The following KCNQ1 variants were observed in gnomAD, a reference collection of about 807,000 sequenced individuals.
The protein encoded by KCNQ1 is potassium voltage-gated channel subfamily Q member 1.
A neutral mutation model predicts 72.4 loss-of-function variants in KCNQ1; 49 were observed. The ratio of observed to expected loss-of-function variants is 0.68; its 90% CI spans 0.54 to 0.86. KCNQ1 has a LOEUF of 0.86. Ranked by LOEUF, KCNQ1 falls within the 40% of genes least tolerant of loss-of-function variation. KCNQ1 has a pLI of 0.00. For synonymous variants in KCNQ1, 450 were observed against 412.6 expected (o/e 1.09, Z -1.10); for missense variants, 790 against 945.1 (o/e 0.84, Z 2.15).
In KCNQ1 at chr11:2,674,614, C is replaced by T. The variant is rs929995876; in HGVS notation, c.1514+12533C>T. On this transcript the variant is annotated intron_variant, in intron 11 of 15. Coordinates refer to ENST00000155840, the MANE Select transcript of KCNQ1 (RefSeq NM_000218.3). The surrounding 1 kb of genome is among the most constrained non-coding windows in gnomAD (Gnocchi z 5.9). ...CTTTTAAATAGGCTCTGGCTTAAAA[C>T]AGTCACAGCGAAACATGCCTTTGAA... 2.5e-6 allele frequency: 1 copy of T among 398,618 alleles called. No homozygotes were observed. The highest frequency in any genetic ancestry group is 3.6e-5 in the East Asian group (1 of 28,056). The allele number at this position is 398,618 out of a possible 1,614,324, so 24.7% of individuals were successfully genotyped here. A position where few individuals can be genotyped will look rare whatever the true frequency, so the allele number is the denominator to read the frequency against.
intron 2 of KCNQ1, among the ~76,000 whole-genome samples, chr11:2,539,160 T>C (rs1847783012): frequency 6.6e-6 from 1 of 152,104 alleles, no homozygotes; most frequent in Non-Finnish European, 1.5e-5. Flanking sequence ...CTGTTCCCCA[T>C]TGCTCCTCCA....
chr11:2,540,993 A>G (rs1487115157), intron 2 of KCNQ1, among the ~76,000 whole-genome samples: 1 of 152,230 alleles, frequency 6.6e-6, no homozygotes, highest in Non-Finnish European at 1.5e-5. Context: ...GCACAGACAT[A>G]TGTGCACGGA....
intron 1 of KCNQ1, among the ~76,000 whole-genome samples, chr11:2,467,505 C>T (rs1388653143): frequency 6.6e-6 from 1 of 152,198 alleles, no homozygotes; most frequent in Admixed American, 6.5e-5. Flanking sequence ...GATACAGCCT[C>T]AGGAAGTGGT....
Position 2,784,793 on chromosome 11 carries a change from A to G in KCNQ1, c.1794+6756A>G, listed in dbSNP as rs559681255. Among the ~76,000 whole-genome samples the G allele has an allele frequency of 6.6e-6, 1 of 152,114 alleles. No homozygotes were observed. The highest frequency in any genetic ancestry group is 1.9e-4 in the East Asian group (1 of 5,192). On this transcript the variant is annotated intron_variant, in intron 15 of 15. Coordinates refer to ENST00000155840, the MANE Select transcript of KCNQ1 (RefSeq NM_000218.3). This position sits in a 1 kb window ranked among gnomAD's most constrained non-coding sequence, Gnocchi z 4.7. ...ATATTTTATTTGTCATGCTAGTGTT[A>G]ATGGAATTGTTTTCTTAATTTCATT...
chr11:2,532,779 C>G (rs1443058029), intron 2 of KCNQ1, among the ~76,000 whole-genome samples: 1 of 152,210 alleles, frequency 6.6e-6, no homozygotes, highest in African/African-American at 2.4e-5. Flanking sequence ...AGTCACCTGA[C>G]AGCAGGTTCC....
intron 11 of KCNQ1, chr11:2,693,635 A>G (rs1239138330): frequency 2.0e-5 from 8 of 398,540 alleles, no homozygotes; most frequent in African/African-American, 4.1e-5. Context: ...GCCGTAGGAA[A>G]GGCTCTGGGA....
intron 15 of KCNQ1, among the ~76,000 whole-genome samples, chr11:2,807,431 T>A (rs1451008395): frequency 6.6e-6 from 1 of 152,194 alleles, no homozygotes. Context: ...CCGCGGTCGC[T>A]GCACTGGGCC....
At chr11:2,560,687 G>A (rs1042209806) in intron 2 of KCNQ1, among the ~76,000 whole-genome samples, 8 of 152,106 alleles carry the variant, frequency 5.3e-5, no homozygotes, top group Non-Finnish European at 7.4e-5. Flanking sequence ...AGGTGCCTGG[G>A]AGGGAGACAC....
rs146890825 is a variant in KCNQ1 at position 2,504,330 on chromosome 11, G to A, written c.387-23598G>A. On this transcript the variant is annotated intron_variant, in intron 1 of 15. Coordinates refer to ENST00000155840, the MANE Select transcript of KCNQ1 (RefSeq NM_000218.3). The stretch of plus-strand genomic sequence containing the variant: ...AAGGATGGTTACCAGAGGCTGGGAA[G>A]GGTAGTGGGGGTTGTGAGGGAAGTA... Among the ~76,000 whole-genome samples the A allele has an allele frequency of 3.3e-5, 5 of 152,012 alleles. No homozygotes were observed. The East Asian group carries it at 7.7e-4, about 23-fold the overall frequency.
chr11:2,458,679 G>GGATGGATC lies in KCNQ1; in HGVS notation c.386+13199_386+13206dup, dbSNP rs1049740895. On this transcript the variant is annotated intron_variant, in intron 1 of 15. Transcript: ENST00000155840. The surrounding 1 kb of genome is among the most constrained non-coding windows in gnomAD (Gnocchi z 4.6). Reference sequence around the variant, plus strand: ...TGGATGGATGGATGGATGGATGGATGGATGGATCGATCGATCTCACCAAGC... The same window carrying GGATGGATC: ...TGGATGGATGGATGGATGGATGGATGGATGGATCGATGGATCGATCGATCTCACCAAGC... Among the ~76,000 whole-genome samples, 2 of 116,158 alleles carry GGATGGATC rather than the reference G, an allele frequency of 1.7e-5. No homozygotes were observed. Among genetic ancestry groups the GGATGGATC allele is most frequent in the Non-Finnish European group, 3.4e-5 (2 of 59,148 alleles). The allele number at this position is 116,158 out of a possible 152,430, so 76.2% of individuals were successfully genotyped here.
In KCNQ1 at chr11:2,642,968, G is replaced by C; in HGVS notation, c.1394-18993G>C. The C allele has an allele frequency of 2.5e-6, 1 of 397,716 alleles. No individual in the cohort carries two copies. The highest frequency in any genetic ancestry group is 4.4e-6 in the Non-Finnish European group (1 of 225,630). 24.6% of individuals were successfully genotyped at this position (397,716 alleles called of 1,614,324 possible). A position where few individuals can be genotyped will look rare whatever the true frequency, so the allele number is the denominator to read the frequency against. ...AATTTCCATTTATTTATACAGTTTT[G>C]AATGCTCCTCTTATTTATTTATAGT... On this transcript the variant is annotated intron_variant, in intron 10 of 15. Transcript: ENST00000155840. The surrounding 1 kb of genome is among the most constrained non-coding windows in gnomAD (Gnocchi z 4.3).
In KCNQ1 at chr11:2,458,673, ATG is replaced by A. The variant is rs1846230728; in HGVS notation, c.386+13190_386+13191del. ...GATGGATGGATGGATGGATGGATGG[ATG>A]GATGGATGGATCGATCGATCTCACC... is the stretch of plus-strand genomic sequence containing the variant. On this transcript the variant is annotated intron_variant, in intron 1 of 15. Coordinates refer to ENST00000155840, the MANE Select transcript of KCNQ1 (RefSeq NM_000218.3). The surrounding 1 kb of genome is among the most constrained non-coding windows in gnomAD (Gnocchi z 4.6). 6.6e-6 allele frequency among the ~76,000 whole-genome samples: 1 copy of A among 151,378 alleles called. No individual in the cohort carries two copies. Among genetic ancestry groups the A allele is most frequent in the African/African-American group, 2.4e-5 (1 of 41,036 alleles).
Position 2,769,202 on chromosome 11 carries a change from A to C in KCNQ1, c.1590+283A>C, listed in dbSNP as rs1846549521. ...AAGGCAGCAGCCGTGTAGCTCACTC[A>C]GTCCTCCCGTGGGGTGGGTCGTGCA... On this transcript the variant is annotated intron_variant, in intron 12 of 15. Transcript: ENST00000155840. The surrounding 1 kb of genome is among the most constrained non-coding windows in gnomAD (Gnocchi z 4.6). Among the ~76,000 whole-genome samples, 1 of 152,090 alleles carries C rather than the reference A, an allele frequency of 6.6e-6. No individual in the cohort carries two copies. The highest frequency in any genetic ancestry group is 2.4e-5 in the African/African-American group (1 of 41,426).
intron 11 of KCNQ1, chr11:2,696,453 C>T (rs1337746768): frequency 2.5e-6 from 1 of 398,574 alleles, no homozygotes; most frequent in Non-Finnish European, 4.4e-6. Context: ...TCTGTCACCA[C>T]ACCGCTCTGA....
rs376950507 is a variant in KCNQ1, at chr11:2,544,336, G to A, written c.477+16318G>A. Reference sequence around the variant, plus strand: ...TGTATATATCTATGTATATATATGTGTATGTATATGTATATATATGTGTAT... The same window carrying A: ...TGTATATATCTATGTATATATATGTATATGTATATGTATATATATGTGTAT... On this transcript the variant is annotated intron_variant, in intron 2 of 15. Coordinates refer to ENST00000155840, the MANE Select transcript of KCNQ1 (RefSeq NM_000218.3). This position sits in a 1 kb window ranked among gnomAD's most constrained non-coding sequence, Gnocchi z 4.4. Among the ~76,000 whole-genome samples, 3 of 133,728 alleles carry A rather than the reference G, an allele frequency of 2.2e-5. No individual in the cohort carries two copies. Among genetic ancestry groups the A allele is most frequent in the Admixed American group, 7.5e-5 (1 of 13,400 alleles). 87.7% of individuals were successfully genotyped at this position (133,728 alleles called of 152,430 possible).
chr11:2,770,367 C>T (rs72844278), intron 12 of KCNQ1, among the ~76,000 whole-genome samples: 4,057 of 152,338 alleles, frequency 0.027, 134 homozygotes, highest in Non-Finnish European at 0.034. Flanking sequence ...GTGCCTCACC[C>T]GGGCCTTGCC....
chr11:2,672,549 G>A (rs1850205504), intron 11 of KCNQ1: 1 of 398,554 alleles, frequency 2.5e-6, no homozygotes, highest in South Asian at 1.3e-4. Context: ...TTCCACATTG[G>A]AAGGTGGCCT....
intron 11 of KCNQ1, chr11:2,694,204 G>T (rs1850635071): frequency 2.5e-6 from 1 of 398,580 alleles, no homozygotes; most frequent in Non-Finnish European, 4.4e-6. Context: ...TCTCACCGAG[G>T]TGGTGAGGCT....
chr11:2,811,659 G>T (rs1156350167), intron 15 of KCNQ1, among the ~76,000 whole-genome samples: 1 of 152,224 alleles, frequency 6.6e-6, no homozygotes, highest in East Asian at 1.9e-4. Context: ...TCAGGATGGG[G>T]ATGTCCCAGT....
Sources: gnomAD v4.1 joint callset for allele counts (sites outside exome capture counted in the v4.1 genomes callset) on GRCh38, gnomAD v4.1.1 for gene constraint, Gnocchi (gnomAD v3.1) non-coding constraint, MANE v1.5 for transcripts, NCBI Gene and HGNC (gene_info 2026-07-23, HGNC 2026-07-21) for gene names.